The following NEK8 variants were observed in gnomAD, a reference collection of about 807,000 sequenced individuals.
NEK8 encodes the protein serine/threonine-protein kinase Nek8.
NEK8 carries 51 observed loss-of-function variants against 77.2 expected under a neutral mutation model. The ratio of observed to expected loss-of-function variants is 0.66; its 90% CI spans 0.53 to 0.83. The LOEUF is 0.83. Among genes scored for constraint, NEK8 ranks in the 40% least tolerant of loss-of-function variants. The pLI is 0.00. For synonymous variants in NEK8, 365 were observed against 363.2 expected, an observed-to-expected ratio of 1.00 and a Z score of -0.06; for missense variants, 787 against 909.2, an observed-to-expected ratio of 0.87 and a Z score of 1.73.
intron 1 of NEK8, among the ~76,000 whole-genome samples, chr17:28,730,375 G>A (rs1249322841): frequency 7.4e-6 from 1 of 134,660 alleles, no homozygotes; most frequent in East Asian, 2.4e-4. Context: ...TGCAAGCCCC[G>A]CCTCCCGGGT....
intron 10 of NEK8, 75 bp downstream of exon 10, chr17:28,739,276 C>G: frequency 1.1e-6 from 1 of 911,186 alleles, no homozygotes; most frequent in African/African-American, 1.6e-5. Flanking sequence ...CCACCTTCCA[C>G]CTCACAGCAC....
At position 28,739,117 on chromosome 17, in the gene NEK8, A is replaced by G. The variant is rs750838279; in HGVS notation, c.1333A>G (p.Met445Val). ...TIVEALLGYE[M>V]VQVACGASHV... Reference sequence around the variant, plus strand: ...TGTGGAGGCTTTGCTGGGCTATGAAATGGTGCAGGTGGCCTGTGGGGCCTC... The same window carrying G: ...TGTGGAGGCTTTGCTGGGCTATGAAGTGGTGCAGGTGGCCTGTGGGGCCTC... Residue 445 changes from methionine (M) to valine (V), a missense_variant, in exon 10 of 15, where the codon ATG becomes GTG. By Grantham distance (21) the Met-to-Val change is conservative. Transcript: ENST00000268766. 4 of 1,614,112 alleles carry G rather than the reference A, an allele frequency of 2.5e-6. No individual in the cohort carries two copies. Among genetic ancestry groups the G allele is most frequent in the Non-Finnish European group, 3.4e-6 (4 of 1,179,948 alleles).
rs772633485 is a variant in NEK8 at position 28,740,441 on chromosome 17, CCTT to C, written c.1418-19_1418-17del. ...ACCCCCACTAAAGCTCAAATTAACTCCTTCTGGGTTTCTTCTTGTAGGCAGACT... is the reference window on the plus strand; with the variant it reads ...ACCCCCACTAAAGCTCAAATTAACTCCTGGGTTTCTTCTTGTAGGCAGACT... On this transcript the variant is annotated intron_variant, in intron 10 of 14. Coordinates refer to ENST00000268766, the MANE Select transcript of NEK8 (RefSeq NM_178170.3). The surrounding 1 kb of genome is among the most constrained non-coding windows in gnomAD (Gnocchi z 4.7). 10 of 1,613,700 alleles carry C rather than the reference CCTT, an allele frequency of 6.2e-6. 1 individual carries two copies. The South Asian group carries it at 9.9e-5, about 16-fold the overall frequency.
rs181723753 is a variant in NEK8 at position 28,738,782 on chromosome 17, G to A, written c.1299+35G>A. On this transcript the variant is annotated intron_variant, in intron 9 of 14. Transcript: ENST00000268766. ...ACATATACCTTGGGAAGGGGAAGTCGGGGGATGGCGGGGAGCCCACATCTG... is the reference window on the plus strand; with the variant it reads ...ACATATACCTTGGGAAGGGGAAGTCAGGGGATGGCGGGGAGCCCACATCTG... 44 of 1,521,848 alleles carry A rather than the reference G, an allele frequency of 2.9e-5. No individual in the cohort carries two copies. In the East Asian group the frequency reaches 7.0e-4, roughly 24 times the overall value. The allele number at this position is 1,521,848 out of a possible 1,614,324, so 94.3% of individuals were successfully genotyped here.
At chr17:28,735,419 G>C in intron 4 of NEK8, 48 bp downstream of exon 4, 4 of 1,590,698 alleles carry the variant, frequency 2.5e-6, no homozygotes, top group Non-Finnish European at 3.4e-6. Context: ...CTACTGCCTC[G>C]CCCAGCAGCC....
At chr17:28,738,799 C>T (rs1453286373) in intron 9 of NEK8, 52 bp downstream of exon 9, 15 of 1,450,578 alleles carry the variant, frequency 1.0e-5, no homozygotes, top group Non-Finnish European at 1.5e-5. Flanking sequence ...GGCGGGGAGC[C>T]CACATCTGTG....
rs1346647219 is a variant in NEK8, at chr17:28,739,197, C to G, written c.1413C>G (p.Asp471Glu). Reference sequence around the variant, plus strand: ...AACTATTTGCCTGGGGCCGTGGAGACAGCGGTAAGCTCCAGCCTTTAGGCC... The same window carrying G: ...AACTATTTGCCTGGGGCCGTGGAGAGAGCGGTAAGCTCCAGCCTTTAGGCC... ...ERELFAWGRG[D>E]SGRLGLGTRE... The change falls in exon 10 of 15, where the codon GAC (aspartate) becomes GAG (glutamate). Residue 471 changes from aspartate (D) to glutamate (E), a missense_variant. Asp to Glu is a conservative substitution (Grantham distance 45, BLOSUM62 2). Transcript: ENST00000268766. The G allele has an allele frequency of 6.2e-7, 1 of 1,610,160 alleles. No individual in the cohort carries two copies. The highest frequency in any genetic ancestry group is 8.5e-7 in the Non-Finnish European group (1 of 1,176,286).
At chr17:28,731,795 C>T (rs1275354117) in intron 1 of NEK8, among the ~76,000 whole-genome samples, 3 of 149,798 alleles carry the variant, frequency 2.0e-5, no homozygotes, top group Non-Finnish European at 4.4e-5. Flanking sequence ...TTAGTAGAGA[C>T]GGGGTTTCAC....
rs112096840 is a variant in NEK8 at position 28,742,461 on chromosome 17, G to A, written c.*474G>A. On this transcript the variant is annotated 3_prime_UTR_variant, in exon 15 of 15. Coordinates refer to ENST00000268766, the MANE Select transcript of NEK8 (RefSeq NM_178170.3). ...ACAAAAAAATTAGCTGGGCGTGGTG[G>A]CACGCGCCTGTAGTCCCAGCTGCTC... The A allele has an allele frequency of 7.0e-4, 160 of 228,454 alleles. 1 individual carries two copies. In the South Asian group the frequency reaches 8.6e-3, roughly 12 times the overall value. The allele number at this position is 228,454 out of a possible 1,614,324, so 14.2% of individuals were successfully genotyped here. A position where few individuals can be genotyped will look rare whatever the true frequency, so the allele number is the denominator to read the frequency against.
Position 28,741,279 on chromosome 17 carries a change from TGG to T in NEK8, c.1891+48_1891+49del, listed in dbSNP as rs766436315. On this transcript the variant is annotated intron_variant, in intron 13 of 14. Coordinates refer to ENST00000268766, the MANE Select transcript of NEK8 (RefSeq NM_178170.3). This position sits in a 1 kb window ranked among gnomAD's most constrained non-coding sequence, Gnocchi z 4.5. ...TGGGGGCAGACAGTGCCATGAGCAGTGGGGGGTGGGGGTTGCTATTCAGGGCC... is the reference window on the plus strand; with the variant it reads ...TGGGGGCAGACAGTGCCATGAGCAGTGGGGTGGGGGTTGCTATTCAGGGCC... 2.2e-6 allele frequency: 3 copies of T among 1,395,198 alleles called. No homozygotes were observed. The highest frequency in any genetic ancestry group is 2.0e-6 in the Non-Finnish European group (2 of 1,014,226). 86.4% of individuals were successfully genotyped at this position (1,395,198 alleles called of 1,614,324 possible).
Position 28,741,069 on chromosome 17 carries a change from C to T in NEK8, c.1733-9C>T. ...GTTGAAGCACCCCTTTCCTTCCTCT[C>T]CCCCATAGCCTCGGGTGATTGCTAC... On this transcript the variant is annotated splice_polypyrimidine_tract_variant and intron_variant, in intron 12 of 14. Coordinates refer to ENST00000268766, the MANE Select transcript of NEK8 (RefSeq NM_178170.3). This position sits in a 1 kb window ranked among gnomAD's most constrained non-coding sequence, Gnocchi z 4.5. 6.2e-7 allele frequency: 1 copy of T among 1,614,186 alleles called. No homozygotes were observed.
At position 28,738,119 on chromosome 17, in the gene NEK8, G is replaced by A. The variant is rs200428176; in HGVS notation, c.1096G>A (p.Gly366Ser). The A allele has an allele frequency of 6.8e-6, 11 of 1,613,936 alleles. No individual in the cohort carries two copies. The highest frequency in any genetic ancestry group is 3.3e-5 in the Admixed American group (2 of 59,990). ...WEAPPLGAGG[G>S]SLLPGAVEQP... is the part of the protein sequence containing the mutation. ...GGCCCCACCCCTAGGTGCAGGCGGAGGCAGTCTCCTTCCTGGGGCAGTGGA... is the reference window on the plus strand; with the variant it reads ...GGCCCCACCCCTAGGTGCAGGCGGAAGCAGTCTCCTTCCTGGGGCAGTGGA... Residue 366 changes from glycine (G) to serine (S), a missense_variant, in exon 8 of 15, where the codon GGC (glycine) becomes AGC (serine). Physicochemically the swap from Gly to Ser is moderately conservative, Grantham distance 56. Transcript: ENST00000268766.
chr17:28,732,918 G>C (rs2034324956), intron 1 of NEK8: 1 of 152,138 alleles, frequency 6.6e-6, no homozygotes, highest in Admixed American at 6.6e-5. Context: ...TGGTCACCCA[G>C]GCTGGAGTGC....
At chr17:28,733,814 T>G (rs1408465671) in intron 1 of NEK8, among the ~76,000 whole-genome samples, 169 bp from the exon 2 acceptor site, 1 of 152,226 alleles carries the variant, frequency 6.6e-6, no homozygotes, top group Non-Finnish European at 1.5e-5. Context: ...CCACACAGCT[T>G]GTAATCAGTT....
Position 28,737,167 on chromosome 17 carries a change from A to T in NEK8, c.619-139A>T. 2 of 820,776 alleles carry T rather than the reference A, an allele frequency of 2.4e-6. No homozygotes were observed. Among genetic ancestry groups the T allele is most frequent in the Non-Finnish European group, 4.0e-6 (2 of 496,252 alleles). The allele number at this position is 820,776 out of a possible 1,614,324, so 50.8% of individuals were successfully genotyped here. A position where few individuals can be genotyped will look rare whatever the true frequency, so the allele number is the denominator to read the frequency against. On this transcript the variant is annotated intron_variant, in intron 4 of 14. Coordinates refer to ENST00000268766, the MANE Select transcript of NEK8 (RefSeq NM_178170.3). The surrounding 1 kb of genome is among the most constrained non-coding windows in gnomAD (Gnocchi z 4.8). ...GTACCAGTACCATGCTGTTTTGGTT[A>T]CTGTAGCCTTGTAGTATAGTTTGAA...
intron 10 of NEK8, among the ~76,000 whole-genome samples, 179 bp downstream of exon 10, chr17:28,739,380 G>A (rs2151733558): frequency 6.6e-6 from 1 of 152,336 alleles, no homozygotes; most frequent in East Asian, 1.9e-4. Context: ...GCTGGGTGCT[G>A]AGATGAGATG....
chr17:28,729,532 A>ATTTTT (rs10523946), intron 1 of NEK8, among the ~76,000 whole-genome samples: 2 of 98,350 alleles, frequency 2.0e-5, no homozygotes, highest in African/African-American at 4.3e-5. Context: ...AATTTTTTGG[A>ATTTTT]TTTTTTTTTT....
At chr17:28,734,644 G>C (rs1380311029) in intron 2 of NEK8, 128 bp from the exon 3 acceptor site, 1 of 693,532 alleles carries the variant, frequency 1.4e-6, no homozygotes, top group African/African-American at 1.8e-5. Flanking sequence ...CTGAGATCAT[G>C]CCACTGCACT....
In NEK8 at chr17:28,741,579, G is replaced by C; in HGVS notation, c.2050+8G>C. Reference sequence around the variant, plus strand: ...CCCTCCTGGCTGTTCGATGTGAGTTGTAACTTTTCCCACTTCACCACACAG... The same window carrying C: ...CCCTCCTGGCTGTTCGATGTGAGTTCTAACTTTTCCCACTTCACCACACAG... On this transcript the variant is annotated splice_region_variant and intron_variant, in intron 14 of 14. Transcript: ENST00000268766. The surrounding 1 kb of genome is among the most constrained non-coding windows in gnomAD (Gnocchi z 4.5). The C allele has an allele frequency of 1.2e-6, 2 of 1,613,990 alleles. No individual in the cohort carries two copies. Among genetic ancestry groups the C allele is most frequent in the Non-Finnish European group, 8.5e-7 (1 of 1,180,008 alleles).
Sources: allele counts gnomAD v4.1 joint callset (sites outside exome capture counted in the v4.1 genomes callset), GRCh38; gene constraint gnomAD v4.1.1; non-coding constraint Gnocchi (gnomAD v3.1); transcripts MANE v1.5; gene names NCBI Gene and HGNC (gene_info 2026-07-23, HGNC 2026-07-21).